TNS1: variants seen among roughly 807,000 people sequenced by gnomAD.
The protein encoded by TNS1 is tensin-1.
A neutral mutation model predicts 168.6 loss-of-function variants in TNS1; 62 were observed. The ratio of observed to expected loss-of-function variants is 0.37; its 90% confidence interval spans 0.30 to 0.45. TNS1 has a LOEUF of 0.45. Ranked by LOEUF, TNS1 falls within the 20% of genes least tolerant of loss-of-function variation. The probability of loss-of-function intolerance (pLI) is 1.00; values close to 1 mark genes in which losing one functional copy is unlikely to be tolerated. For synonymous variants in TNS1, 934 were observed against 933.2 expected (o/e 1.00, Z -0.02); for missense variants, 2,240 against 2,339.4 (o/e 0.96, Z 0.88).
At position 217,813,935 on chromosome 2, in the gene TNS1, A is replaced by G. The variant is rs1941443333; in HGVS notation, c.4730-119T>C. 3.1e-6 allele frequency: 4 copies of G among 1,299,900 alleles called. No homozygotes were observed. The highest frequency in any genetic ancestry group is 4.0e-6 in the Non-Finnish European group (4 of 993,366). 80.5% of individuals were successfully genotyped at this position (1,299,900 alleles called of 1,614,324 possible). On this transcript the variant is annotated intron_variant, in intron 25 of 32. Transcript: ENST00000682258. This position sits in a 1 kb window ranked among gnomAD's most constrained non-coding sequence, Gnocchi z 4.0. ...TTCTTAGGTGAGACAAATTTTCTTT[A>G]AAGTTAAAATTTAACTACTCCTACG...
In TNS1 at chr2:217,995,666, G is replaced by A. The variant is rs1016025654; in HGVS notation, c.34-4610C>T. On this transcript the variant is annotated intron_variant, in intron 1 of 32. Transcript: ENST00000682258. This position sits in a 1 kb window ranked among gnomAD's most constrained non-coding sequence, Gnocchi z 4.1. ...CAGACGGCCTCACGGAGCACACCCC[G>A]GGGCCCTTCCTTTGCTGGCTGCAAA... Among the ~76,000 whole-genome samples, 4 of 152,078 alleles carry A rather than the reference G, an allele frequency of 2.6e-5. No individual in the cohort carries two copies. The highest frequency in any genetic ancestry group is 7.2e-5 in the African/African-American group (3 of 41,406).
At chr2:217,909,621 A>C (rs562877637) in intron 4 of TNS1, among the ~76,000 whole-genome samples, 1 of 150,554 alleles carries the variant, frequency 6.6e-6, no homozygotes, top group Non-Finnish European at 1.5e-5. Context: ...CTACGGTGGG[A>C]CTTAAGGACG....
chr2:217,850,400 G>T, intron 18 of TNS1: 1 of 985,278 alleles, frequency 1.0e-6, no homozygotes, highest in Non-Finnish European at 1.2e-6. Flanking sequence ...GGGGGAGAGG[G>T]TCCTCTTGTC....
At chr2:217,906,278 C>CCAT in intron 6 of TNS1, 57 bp downstream of exon 6, 1 of 668,832 alleles carries the variant, frequency 1.5e-6, no homozygotes, top group Non-Finnish European at 2.7e-6. Flanking sequence ...CACCCCACCC[C>CCAT]ATTCCCCCTG....
chr2:217,963,289 T>A (rs981403843), intron 3 of TNS1, among the ~76,000 whole-genome samples: 3 of 152,126 alleles, frequency 2.0e-5, no homozygotes, highest in Non-Finnish European at 4.4e-5. Context: ...CAGGGATAAT[T>A]GGCACAGGTG....
intron 8 of TNS1, among the ~76,000 whole-genome samples, chr2:217,895,350 C>T (rs564052836): frequency 2.0e-5 from 3 of 152,128 alleles, no homozygotes; most frequent in South Asian, 2.1e-4. Flanking sequence ...CACACCGTCA[C>T]GAAGAGGAAC....
intron 22 of TNS1, among the ~76,000 whole-genome samples, chr2:217,827,280 A>G (rs1430191000): frequency 6.6e-6 from 1 of 152,238 alleles, no homozygotes; most frequent in East Asian, 1.9e-4. Context: ...CCTGGGACAT[A>G]GCAGACATCC....
intron 1 of TNS1, among the ~76,000 whole-genome samples, chr2:218,022,422 A>G (rs1048531288): frequency 1.3e-5 from 2 of 152,186 alleles, no homozygotes; most frequent in Non-Finnish European, 2.9e-5. Context: ...AATCCTTTCA[A>G]GACCCCTCTC....
At chr2:217,824,392 A>G (rs1453492410) in intron 22 of TNS1, among the ~76,000 whole-genome samples, 1 of 152,214 alleles carries the variant, frequency 6.6e-6, no homozygotes, top group Non-Finnish European at 1.5e-5. Flanking sequence ...GGCTCTATCC[A>G]GCACTTCAGC....
intron 3 of TNS1, among the ~76,000 whole-genome samples, chr2:217,929,698 C>A (rs1956218583): frequency 6.7e-6 from 1 of 148,196 alleles, no homozygotes. Context: ...CAGCCCTCCA[C>A]CCCCCACCCG....
In TNS1 at chr2:217,813,568, G is replaced by A. The variant is rs534511123; in HGVS notation, c.4861+117C>T. 4.4e-5 allele frequency: 63 copies of A among 1,440,724 alleles called. No individual in the cohort carries two copies. The South Asian group carries it at 4.5e-4, about 10-fold the overall frequency. 89.2% of individuals were successfully genotyped at this position (1,440,724 alleles called of 1,614,324 possible). A position where few individuals can be genotyped will look rare whatever the true frequency, so the allele number is the denominator to read the frequency against. ...CACCAAGCCCAAGACACCCTCTTCC[G>A]AAGAGCCTGATGGGAGTTAAGGTCC... is the stretch of plus-strand genomic sequence containing the variant. On this transcript the variant is annotated intron_variant, in intron 26 of 32. Coordinates refer to ENST00000682258, the MANE Select transcript of TNS1 (RefSeq NM_001387777.1). This position sits in a 1 kb window ranked among gnomAD's most constrained non-coding sequence, Gnocchi z 4.0.
intron 3 of TNS1, among the ~76,000 whole-genome samples, chr2:217,942,295 C>G (rs1956951977): frequency 1.3e-5 from 2 of 152,186 alleles, no homozygotes; most frequent in African/African-American, 4.8e-5. Context: ...TGGCCGAGAC[C>G]CTCCCCAGCC....
In TNS1 at chr2:217,885,845, A is replaced by G. The variant is rs575784878; in HGVS notation, c.1041-26T>C. The stretch of plus-strand genomic sequence containing the variant: ...CTAAGGGAGAGAGGTGGGCAGAAAA[A>G]GAGTGGGCTGCTGGAGGGGAGATGA... On this transcript the variant is annotated intron_variant, in intron 14 of 32. Transcript: ENST00000682258. 19 of 1,612,478 alleles carry G rather than the reference A, an allele frequency of 1.2e-5. No homozygotes were observed. In the South Asian group the frequency reaches 2.1e-4, roughly 18 times the overall value.
Position 217,896,742 on chromosome 2 carries a change from A to G in TNS1, c.543+1056T>C, listed in dbSNP as rs374829646. ...CCCGCCATGGATAGTGGATACCAAA[A>G]TCCATGGGTGCTCAGGTCTCTTACA... On this transcript the variant is annotated intron_variant, in intron 8 of 32. Coordinates refer to ENST00000682258, the MANE Select transcript of TNS1 (RefSeq NM_001387777.1). Among the ~76,000 whole-genome samples the G allele has an allele frequency of 1.3e-3, 195 of 152,302 alleles. 4 individuals carry two copies. In the South Asian group the frequency reaches 0.04, roughly 31 times the overall value.
rs529268154 is a variant in TNS1, at chr2:218,032,717, G to C, written c.156+1103C>G. On this transcript the variant is annotated intron_variant, in intron 1 of 1. Transcript: ENST00000649572. The surrounding 1 kb of genome is among the most constrained non-coding windows in gnomAD (Gnocchi z 4.0). ...GCTGCTCTTCCCTAAACCCCTGAAG[G>C]GGGGAGCCCCGAGCAGCAGCAACCC... Among the ~76,000 whole-genome samples, 78 of 152,268 alleles carry C rather than the reference G, an allele frequency of 5.1e-4. No homozygotes were observed. The South Asian group carries it at 9.9e-3, about 19-fold the overall frequency.
At chr2:217,922,499 G>A (rs1955777176) in intron 3 of TNS1, among the ~76,000 whole-genome samples, 1 of 152,202 alleles carries the variant, frequency 6.6e-6, no homozygotes, top group African/African-American at 2.4e-5. Context: ...GCCTGCCACT[G>A]CCAGGGCCCC....
rs2126048646 is a variant in TNS1 at position 217,978,771 on chromosome 2, C to T, written c.180G>A (p.Gln60=). The T allele has an allele frequency of 1.4e-6, 1 of 702,274 alleles. No homozygotes were observed. Among genetic ancestry groups the T allele is most frequent in the Non-Finnish European group, 2.6e-6 (1 of 384,520 alleles). 43.5% of individuals were successfully genotyped at this position (702,274 alleles called of 1,614,324 possible). The change falls in exon 3 of 33, where the codon CAG becomes CAA. Residue 60 remains glutamine (Q), a synonymous_variant. Transcript: ENST00000682258. ...CCAGCCCGCGGCCCCTTACCTTGGC[C>T]TGGCATTTCCGATGACAGGAGAAGC... The part of the protein sequence containing the change: ...VCSFSCHRKC[Q]AKVAAPCVPP...
chr2:217,880,924 C>A lies in TNS1; in HGVS notation c.1403G>T (p.Ser468Ile). The change falls in exon 18 of 33, where the codon AGT becomes ATT. Residue 468 changes from serine to isoleucine, a missense_variant. Around this residue, in one of 2 missense-constraint regions of TNS1, gnomAD observed 2,131 missense variants for 2,171.2 expected, o/e 0.98. Transcript: ENST00000682258. The surrounding 1 kb of genome is among the most constrained non-coding windows in gnomAD (Gnocchi z 4.2). ...CTCCATGCCGTCATCTCGATGCCCACTGAAGTTGTCGTAGGAGTCCCAGCG... is the reference window on the plus strand; with the variant it reads ...CTCCATGCCGTCATCTCGATGCCCAATGAAGTTGTCGTAGGAGTCCCAGCG... Reference protein sequence around the residue: ...LIRWDSYDNFSGHRDDGMEEV... With the variant: ...LIRWDSYDNFIGHRDDGMEEV... The A allele has an allele frequency of 6.2e-7, 1 of 1,614,114 alleles. No homozygotes were observed. The highest frequency in any genetic ancestry group is 1.1e-5 in the South Asian group (1 of 91,078).
intron 3 of TNS1, among the ~76,000 whole-genome samples, chr2:217,953,962 G>A (rs1957301624): frequency 6.6e-6 from 1 of 152,220 alleles, no homozygotes; most frequent in African/African-American, 2.4e-5. Flanking sequence ...AAGACTTGCA[G>A]TCAGATCAGG....
Sources: allele counts gnomAD v4.1 joint callset (sites outside exome capture counted in the v4.1 genomes callset), GRCh38; gene constraint gnomAD v4.1.1; regional missense constraint gnomAD v4.1.1; non-coding constraint Gnocchi (gnomAD v3.1); transcripts MANE v1.5; gene names NCBI Gene and HGNC (gene_info 2026-07-23, HGNC 2026-07-21).